MBNL1: variants seen among roughly 807,000 people sequenced by gnomAD.
MBNL1 encodes muscleblind like splicing regulator 1.
MBNL1 carries 8 observed loss-of-function variants against 42.2 expected under a neutral mutation model. The observed-to-expected ratio is 0.19, with a 90% CI of 0.11 to 0.34. The LOEUF is 0.34. Ranked by LOEUF, MBNL1 falls within the 10% of genes least tolerant of loss-of-function variation. The pLI, the probability that MBNL1 is intolerant of heterozygous loss-of-function variation, is 1.00. For missense variants in MBNL1, 309 were observed against 495.3 expected (o/e 0.62, Z 3.57); for synonymous variants, 169 against 173.9 (o/e 0.97, Z 0.22).
chr3:152,411,282 G>C (rs931847247), intron 2 of MBNL1, among the ~76,000 whole-genome samples: 1 of 152,290 alleles, frequency 6.6e-6, no homozygotes, highest in Admixed American at 6.5e-5. Context: ...AGCACTTTGG[G>C]AGGCCAAGAT....
chr3:152,373,901 G>A (rs2096787167), intron 2 of MBNL1, among the ~76,000 whole-genome samples: 1 of 152,188 alleles, frequency 6.6e-6, no homozygotes, highest in African/African-American at 2.4e-5. Context: ...CAAAAGTAGA[G>A]AGAATAGTGT....
At chr3:152,328,397 T>G (rs1194011861) in intron 2 of MBNL1, among the ~76,000 whole-genome samples, 2 of 152,136 alleles carry the variant, frequency 1.3e-5, no homozygotes, top group African/African-American at 4.8e-5. Context: ...AATTTTAGAA[T>G]ATAGGTAATT....
chr3:152,281,315 C>T (rs1677315724), intron 1 of MBNL1, among the ~76,000 whole-genome samples: 1 of 151,968 alleles, frequency 6.6e-6, no homozygotes. Context: ...TGTTTATTTC[C>T]ATCAGTATGG....
chr3:152,462,299 AAG>A (rs1339932391), intron 9 of MBNL1, 84 bp from the exon 10 acceptor site: 3 of 152,190 alleles, frequency 2.0e-5, no homozygotes, highest in Non-Finnish European at 4.4e-5. Context: ...GTTAATCAAA[AAG>A]AAAATTTTCA....
At chr3:152,273,258 A>C (rs573945668) in intron 1 of MBNL1, among the ~76,000 whole-genome samples, 1 of 152,342 alleles carries the variant, frequency 6.6e-6, no homozygotes, top group East Asian at 1.9e-4. Context: ...CTGTCTCTAG[A>C]CATATTTTTT....
chr3:152,398,421 GT>G (rs2098080282), intron 2 of MBNL1, among the ~76,000 whole-genome samples: 1 of 151,862 alleles, frequency 6.6e-6, no homozygotes, highest in Admixed American at 6.6e-5. Flanking sequence ...GTAAATTATT[GT>G]TTTTAAATAT....
At chr3:152,425,530 C>T (rs890582738) in intron 3 of MBNL1, among the ~76,000 whole-genome samples, 4 of 151,876 alleles carry the variant, frequency 2.6e-5, no homozygotes, top group African/African-American at 9.7e-5. Context: ...ATCGCTTGAA[C>T]CTGGGAGGCG....
chr3:152,264,469 A>T (rs772506249), upstream of MBNL1: 5 of 152,180 alleles, frequency 3.3e-5, no homozygotes, highest in Non-Finnish European at 5.9e-5. Flanking sequence ...GGAAACTGTT[A>T]GGCCTATTTT....
rs139812220 is a variant in MBNL1, at chr3:152,392,839, G to A, written c.175-22102G>A. ...GTAATGTCAGGGAAACTTTATATGA[G>A]ATGTAAAAATATTCCTGAGAAGTAT... is the stretch of plus-strand genomic sequence containing the variant. On this transcript the variant is annotated intron_variant, in intron 2 of 9. Transcript: ENST00000324210. Among the ~76,000 whole-genome samples, 843 of 152,284 alleles carry A rather than the reference G, an allele frequency of 5.5e-3. 9 individuals carry two copies. Among genetic ancestry groups the A allele is most frequent in the African/African-American group, 0.02 (815 of 41,560 alleles).
At chr3:152,440,069 G>A (rs2153814628) in intron 4 of MBNL1, among the ~76,000 whole-genome samples, 1 of 152,250 alleles carries the variant, frequency 6.6e-6, no homozygotes, top group Non-Finnish European at 1.5e-5. Flanking sequence ...AAGAGATCAA[G>A]TGGTAGATTC....
intron 3 of MBNL1, among the ~76,000 whole-genome samples, chr3:152,430,654 A>G (rs542573947): frequency 1.3e-5 from 2 of 152,246 alleles, no homozygotes; most frequent in Admixed American, 6.5e-5. Flanking sequence ...TCAGTATACA[A>G]TCAATCCTTG....
chr3:152,258,842 T>C (rs1372283514), intron 2 of MBNL1, among the ~76,000 whole-genome samples: 1 of 152,236 alleles, frequency 6.6e-6, no homozygotes, highest in Non-Finnish European at 1.5e-5. Flanking sequence ...CTGCCTTCTA[T>C]GAATCTGATA....
intron 2 of MBNL1, among the ~76,000 whole-genome samples, chr3:152,331,812 T>C (rs900644014): frequency 3.9e-5 from 6 of 152,084 alleles, no homozygotes; most frequent in Non-Finnish European, 7.4e-5. Flanking sequence ...AGTCTCAGCC[T>C]CCCAAGTAGC....
chr3:152,405,816 C>T (rs556864335), intron 2 of MBNL1, among the ~76,000 whole-genome samples: 42 of 152,154 alleles, frequency 2.8e-4, no homozygotes, highest in Middle Eastern at 3.4e-3. Context: ...ACACATAGAG[C>T]GCTAACATTT....
At chr3:152,364,360 C>G (rs1452216701) in intron 2 of MBNL1, among the ~76,000 whole-genome samples, 1 of 151,938 alleles carries the variant, frequency 6.6e-6, no homozygotes, top group African/African-American at 2.4e-5. Context: ...AGACAATACA[C>G]CCTTTGTACT....
intron 1 of MBNL1, among the ~76,000 whole-genome samples, chr3:152,277,395 A>C (rs1559978517): frequency 6.6e-6 from 1 of 152,182 alleles, no homozygotes; most frequent in Non-Finnish European, 1.5e-5. Context: ...GTGATAAACA[A>C]GGTGGCAGAT....
Position 152,257,665 on chromosome 3 carries a change from A to G in MBNL1, n.333+13225A>G, listed in dbSNP as rs569098787. Among the ~76,000 whole-genome samples, 15 of 152,280 alleles carry G rather than the reference A, an allele frequency of 9.9e-5. No homozygotes were observed. In the South Asian group the frequency reaches 3.1e-3, roughly 32 times the overall value. On this transcript the variant is annotated intron_variant and non_coding_transcript_variant, in intron 2 of 2. Coordinates refer to the MBNL1 transcript ENST00000477171. ...TTGTTCTGATGAAGTCAGGAGACAC[A>G]TTTTTCAGGGAGGTAGGAGTAAGAG...
intron 5 of MBNL1, 129 bp from the exon 6 acceptor site, chr3:152,447,491 C>A: frequency 2.3e-6 from 1 of 427,546 alleles, no homozygotes; most frequent in East Asian, 4.2e-5. Flanking sequence ...GGATTTTTTC[C>A]CTCGGGTAGT....
chr3:152,325,337 C>T (rs1416699734), intron 2 of MBNL1, among the ~76,000 whole-genome samples: 1 of 151,906 alleles, frequency 6.6e-6, no homozygotes, highest in Non-Finnish European at 1.5e-5. Context: ...GCATTTGATT[C>T]CACAGCCTAC....
Sources: allele counts gnomAD v4.1 joint callset (sites outside exome capture counted in the v4.1 genomes callset), GRCh38; gene constraint gnomAD v4.1.1; transcripts MANE v1.5; gene names NCBI Gene and HGNC (gene_info 2026-07-23, HGNC 2026-07-21).